The following BRD10 variants were observed in gnomAD, a reference collection of about 807,000 sequenced individuals.
BRD10 encodes the protein bromodomain containing 10.
the BRD10 span, among the ~76,000 whole-genome samples, chr9:5,913,668 A>G: frequency 0.24 from 36,931 of 152,124 alleles, 4,672 homozygotes; most frequent in South Asian, 0.36. Context: ...AATTACATGG[A>G]TGATGGCAAC....
At chr9:5,982,116 T>A in the BRD10 span, among the ~76,000 whole-genome samples, 1 of 152,164 alleles carries the variant, frequency 6.6e-6, no homozygotes, top group Non-Finnish European at 1.5e-5. Context: ...TGCAAAAGAA[T>A]GTTATATATT....
chr9:6,005,326 C>A, the BRD10 span, among the ~76,000 whole-genome samples: 5 of 151,794 alleles, frequency 3.3e-5, no homozygotes, highest in Non-Finnish European at 7.4e-5. Flanking sequence ...GCCTGGCCAA[C>A]ATGGCGAAAC....
At chr9:5,996,316 T>TTGTTG in the BRD10 span, among the ~76,000 whole-genome samples, 1 of 150,386 alleles carries the variant, frequency 6.6e-6, no homozygotes, top group African/African-American at 2.5e-5. Context: ...GGTTTTTTTT[T>TTGTTG]TTGTTGTTGT....
At chr9:5,885,312 A>C in the BRD10 span, among the ~76,000 whole-genome samples, 1 of 152,182 alleles carries the variant, frequency 6.6e-6, no homozygotes, top group African/African-American at 2.4e-5. Flanking sequence ...GGGAATTCGC[A>C]GAAGCACTAG....
At chr9:5,910,133 TA>T in the BRD10 span, 1 of 152,354 alleles carries the variant, frequency 6.6e-6, no homozygotes, top group East Asian at 1.9e-4. Context: ...AGAGAAAAGT[TA>T]AAGGCTGTCT....
the BRD10 span, among the ~76,000 whole-genome samples, chr9:5,956,178 C>T: frequency 6.6e-6 from 1 of 152,060 alleles, no homozygotes; most frequent in Admixed American, 6.6e-5. Flanking sequence ...ACAGAGGTCA[C>T]CCTTGATAGT....
At chr9:5,961,007 G>C in the BRD10 span, among the ~76,000 whole-genome samples, 2,287 of 152,292 alleles carry the variant, frequency 0.015, 29 homozygotes, top group Middle Eastern at 0.027. Context: ...CTTTGAAAAA[G>C]TGTTGAAAGA....
At chr9:5,904,150 T>C in the BRD10 span, among the ~76,000 whole-genome samples, 1 of 151,892 alleles carries the variant, frequency 6.6e-6, no homozygotes, top group African/African-American at 2.4e-5. Flanking sequence ...TGAGCCACCA[T>C]GCCTGGCCTC....
the BRD10 span, among the ~76,000 whole-genome samples, chr9:5,952,696 G>A: frequency 6.6e-6 from 1 of 152,096 alleles, no homozygotes; most frequent in African/African-American, 2.4e-5. Flanking sequence ...ATTAACAATG[G>A]GCCAGATTTG....
chr9:5,940,527 A>T, the BRD10 span, among the ~76,000 whole-genome samples: 17 of 152,216 alleles, frequency 1.1e-4, no homozygotes, highest in African/African-American at 4.1e-4. Flanking sequence ...ACATTTCACA[A>T]ATATTTCCGT....
the BRD10 span, among the ~76,000 whole-genome samples, chr9:5,887,122 G>A: frequency 1.1e-3 from 164 of 152,262 alleles, 1 homozygote; most frequent in African/African-American, 3.7e-3. Context: ...AGCTGGGCAT[G>A]GTGGTGCATA....
the BRD10 span, among the ~76,000 whole-genome samples, chr9:5,996,701 G>C: frequency 6.6e-6 from 1 of 152,144 alleles, no homozygotes; most frequent in Non-Finnish European, 1.5e-5. Context: ...TTTAGGAAAG[G>C]CACAAAGGCA....
chr9:5,968,840 T>A, the BRD10 span: 1 of 1,613,724 alleles, frequency 6.2e-7, no homozygotes, highest in Non-Finnish European at 8.5e-7. Context: ...CTCCAAATAA[T>A]CATAACCAAG....
chr9:5,957,407 G>A, the BRD10 span, among the ~76,000 whole-genome samples: 1 of 152,096 alleles, frequency 6.6e-6, no homozygotes, highest in Non-Finnish European at 1.5e-5. Context: ...AGCTCCAAGT[G>A]ACATACTGCG....
chr9:5,945,086 G>C, the BRD10 span: 8 of 451,126 alleles, frequency 1.8e-5, no homozygotes, highest in East Asian at 2.8e-4. Flanking sequence ...TAAAAAGCAA[G>C]AAAAGCTCTG....
chr9:5,980,283 A>G, the BRD10 span, among the ~76,000 whole-genome samples: 1 of 152,166 alleles, frequency 6.6e-6, no homozygotes, highest in Non-Finnish European at 1.5e-5. Flanking sequence ...AGTTCCCCCA[A>G]GACTGCCTGT....
the BRD10 span, among the ~76,000 whole-genome samples, chr9:5,903,284 G>A: frequency 6.6e-6 from 1 of 152,222 alleles, no homozygotes; most frequent in Admixed American, 6.5e-5. Flanking sequence ...TGAGAAGAAA[G>A]TGTATTCTGT....
At chr9:5,887,033 C>T in the BRD10 span, among the ~76,000 whole-genome samples, 2 of 152,012 alleles carry the variant, frequency 1.3e-5, no homozygotes, top group African/African-American at 2.4e-5. Context: ...CAGAGGTGGG[C>T]GGACCACTAG....
chr9:5,890,968 G>A, the BRD10 span: 4 of 152,158 alleles, frequency 2.6e-5, no homozygotes, highest in Non-Finnish European at 5.9e-5. Flanking sequence ...CATAATCATA[G>A]TCCTCTTCTC....
Sources: allele counts gnomAD v4.1 joint callset (sites outside exome capture counted in the v4.1 genomes callset), GRCh38; gene constraint gnomAD v4.1.1; transcripts MANE v1.5; gene names NCBI Gene and HGNC (gene_info 2026-07-23, HGNC 2026-07-21).